Variants in SERINC2 observed in about 807,000 individuals in gnomAD.
SERINC2 encodes tumor differentially expressed protein 2.
Under a neutral mutation model 54.2 loss-of-function variants are expected in SERINC2, and 56 were observed. The ratio of observed to expected loss-of-function variants is 1.03; its 90% confidence interval spans 0.83 to 1.29. SERINC2 has a LOEUF of 1.29. SERINC2 is among the 50% of genes most tolerant of loss of function. SERINC2 has a pLI of 0.00. For synonymous variants in SERINC2, 272 were observed against 253.1 expected (o/e 1.07, Z -0.71); for missense variants, 614 against 607.4 (o/e 1.01, Z -0.12).
rs1553131817 is a variant in SERINC2 at position 31,413,859 on chromosome 1, T to TTGTCCGTCTGCTGTCTTC, written c.39+567_39+584dup. 38 of 1,428,976 alleles carry TTGTCCGTCTGCTGTCTTC rather than the reference T, an allele frequency of 2.7e-5. No homozygotes were observed. The Middle Eastern group carries it at 1.1e-3, about 42-fold the overall frequency. 88.5% of individuals were successfully genotyped at this position (1,428,976 alleles called of 1,614,324 possible). On this transcript the variant is annotated intron_variant, in intron 1 of 9. Coordinates refer to ENST00000373709, the MANE Select transcript of SERINC2 (RefSeq NM_178865.5). The surrounding 1 kb of genome is among the most constrained non-coding windows in gnomAD (Gnocchi z 5.0). ...GTGTCCGTCGTTCGTCCGACTGTCTTTGTCCGTCTGCTGTCTTCTGTCCGT... is the reference window on the plus strand; with the variant it reads ...GTGTCCGTCGTTCGTCCGACTGTCTTTGTCCGTCTGCTGTCTTCTGTCCGTCTGCTGTCTTCTGTCCGT...
rs782411087 is a variant in SERINC2 at position 31,429,430 on chromosome 1, T to G, written c.905T>G (p.Leu302Arg). 6.2e-7 allele frequency: 1 copy of G among 1,613,844 alleles called. No individual in the cohort carries two copies. The highest frequency in any genetic ancestry group is 1.1e-5 in the South Asian group (1 of 91,020). ...TGCAACCCCCATTTGCCAACCCAGC[T>G]GGGCAACGAGACAGTTGTGGCAGGC... ...QKCNPHLPTQ[L>R]GNETVVAGPE... is the part of the protein sequence containing the mutation. Residue 302 changes from leucine (L) to arginine (R), a missense_variant, in exon 8 of 10, where the codon CTG becomes CGG. By Grantham distance (102) the Leu-to-Arg change is moderately radical (BLOSUM62 -2). Transcript: ENST00000373709.
At chr1:31,428,771 G>A (rs1235272834) in intron 6 of SERINC2, among the ~76,000 whole-genome samples, 6 of 152,072 alleles carry the variant, frequency 3.9e-5, no homozygotes, top group Non-Finnish European at 1.5e-5. Context: ...TAATCTGAGG[G>A]GTGTTAAGAG....
rs1640701952 is a variant in SERINC2, at chr1:31,413,714, TC to T, written c.39+411del. The T allele has an allele frequency of 7.8e-7, 1 of 1,282,836 alleles. No individual in the cohort carries two copies. The highest frequency in any genetic ancestry group is 1.6e-5 in the African/African-American group (1 of 63,914). 79.5% of individuals were successfully genotyped at this position (1,282,836 alleles called of 1,614,324 possible). On this transcript the variant is annotated intron_variant, in intron 1 of 9. Coordinates refer to ENST00000373709, the MANE Select transcript of SERINC2 (RefSeq NM_178865.5). The surrounding 1 kb of genome is among the most constrained non-coding windows in gnomAD (Gnocchi z 5.0). ...CGGACGCCCTGGTTCTCTGTGTAGG[TC>T]GCCCGGGCCCCGTCCCTCCTGGCGA...
chr1:31,431,122 C>A (rs187145094), intron 8 of SERINC2, among the ~76,000 whole-genome samples: 56 of 150,778 alleles, frequency 3.7e-4, no homozygotes, highest in African/African-American at 1.3e-3. Flanking sequence ...CCCCTCCCCC[C>A]TCCTCTCTCT....
At chr1:31,418,783 A>G (rs1318942115) in intron 1 of SERINC2, among the ~76,000 whole-genome samples, 1 of 152,212 alleles carries the variant, frequency 6.6e-6, no homozygotes, top group Admixed American at 6.5e-5. Flanking sequence ...CTCTGAGGAC[A>G]ACCAGGAGAC....
At chr1:31,415,820 G>A in intron 1 of SERINC2, 1 of 981,332 alleles carries the variant, frequency 1.0e-6, no homozygotes, top group Non-Finnish European at 1.2e-6. Context: ...GGTCAGTGGG[G>A]AAGATTTTTG....
In SERINC2 at chr1:31,426,737, G is replaced by A. The variant is rs184672093; in HGVS notation, c.694G>A (p.Gly232Ser). The change falls in exon 6 of 10, where the codon GGC becomes AGC. Residue 232 changes from glycine (G) to serine (S), a missense_variant. By Grantham distance (56) the Gly-to-Ser change is moderately conservative. Coordinates refer to ENST00000373709, the MANE Select transcript of SERINC2 (RefSeq NM_178865.5). ...GTTCATGTACTACACTGAGCCCAGC[G>A]GCTGCCACGAGGGCAAGGTCTTCAT... ...LMFMYYTEPSGCHEGKVFISL... is the reference protein window; with the variant it reads ...LMFMYYTEPSSCHEGKVFISL... The A allele has an allele frequency of 2.2e-5, 36 of 1,614,086 alleles. No individual in the cohort carries two copies. The Admixed American group carries it at 4.3e-4, about 19-fold the overall frequency.
upstream of SERINC2, among the ~76,000 whole-genome samples, chr1:31,411,602 G>A (rs1182789709): frequency 6.6e-6 from 1 of 152,108 alleles, no homozygotes; most frequent in African/African-American, 2.4e-5. Flanking sequence ...ATGGAACCAG[G>A]TAGTGGGTTG....
intron 8 of SERINC2, among the ~76,000 whole-genome samples, chr1:31,431,592 G>C (rs1338248736): frequency 6.6e-6 from 1 of 152,166 alleles, no homozygotes; most frequent in South Asian, 2.1e-4. Context: ...CACACCCACA[G>C]CTCCCTGGCA....
rs1344039238 is a variant in SERINC2, at chr1:31,426,695, G to A, written c.652G>A (p.Ala218Thr). The A allele has an allele frequency of 1.1e-5, 17 of 1,613,104 alleles. No homozygotes were observed. Among genetic ancestry groups the A allele is most frequent in the East Asian group, 2.2e-5 (1 of 44,874 alleles). The change falls in exon 6 of 10, where the codon GCG becomes ACG. Residue 218 changes from alanine (A) to threonine (T), a missense_variant. Coordinates refer to ENST00000373709, the MANE Select transcript of SERINC2 (RefSeq NM_178865.5). ...TCTCCTCTTCTACTTGCTGTCGATCGCGGCCGTGGCGCTGATGTTCATGTA... is the reference window on the plus strand; with the variant it reads ...TCTCCTCTTCTACTTGCTGTCGATCACGGCCGTGGCGCTGATGTTCATGTA... The part of the protein sequence containing the change: ...FTLLFYLLSI[A>T]AVALMFMYYT...
intron 7 of SERINC2, 85 bp from the exon 8 acceptor site, chr1:31,429,312 G>T: frequency 2.0e-6 from 3 of 1,489,400 alleles, no homozygotes; most frequent in Non-Finnish European, 2.7e-6. Context: ...GTCTATTAGG[G>T]GTGGCTCTCT....
rs116060697 is a variant in SERINC2, at chr1:31,422,348, A to T, written c.40-1345A>T. 2.2e-3 allele frequency among the ~76,000 whole-genome samples: 338 copies of T among 152,162 alleles called. 8 individuals are homozygous for T. In the South Asian group the frequency reaches 0.038, roughly 17 times the overall value. ...GAAAAGAAGAAAACCCTTCTTTTTAAAAGATACGGTCTCGCTATGCTGCCC... is the reference window on the plus strand; with the variant it reads ...GAAAAGAAGAAAACCCTTCTTTTTATAAGATACGGTCTCGCTATGCTGCCC... On this transcript the variant is annotated intron_variant, in intron 1 of 9. Coordinates refer to ENST00000373709, the MANE Select transcript of SERINC2 (RefSeq NM_178865.5).
At chr1:31,415,967 A>G in intron 1 of SERINC2, 1 of 953,938 alleles carries the variant, frequency 1.0e-6, no homozygotes, top group Non-Finnish European at 1.2e-6. Flanking sequence ...GCCACCAGGC[A>G]AGCCGCCGGC....
At chr1:31,431,007 C>G (rs535382214) in intron 8 of SERINC2, among the ~76,000 whole-genome samples, 8 of 152,170 alleles carry the variant, frequency 5.3e-5, no homozygotes, top group Non-Finnish European at 1.2e-4. Flanking sequence ...CAAGTCAGTT[C>G]TGTACAGTTC....
Position 31,426,676 on chromosome 1 carries a change from C to T in SERINC2, c.633C>T (p.Leu211=), listed in dbSNP as rs1384545732. Residue 211 remains leucine, a synonymous_variant, in exon 6 of 10, where the codon CTC becomes CTT. Coordinates refer to ENST00000373709, the MANE Select transcript of SERINC2 (RefSeq NM_178865.5). Reference sequence around the variant, plus strand: ...CAGGCCTCTTCTTCTTCACTCTCCTCTTCTACTTGCTGTCGATCGCGGCCG... The same window carrying T: ...CAGGCCTCTTCTTCTTCACTCTCCTTTTCTACTTGCTGTCGATCGCGGCCG... ...WYAGLFFFTL[L]FYLLSIAAVA... The T allele has an allele frequency of 4.3e-6, 7 of 1,612,616 alleles. No homozygotes were observed. Among genetic ancestry groups the T allele is most frequent in the Non-Finnish European group, 5.9e-6 (7 of 1,178,882 alleles).
chr1:31,431,804 A>ATAGGGTGGTTAGGGTGGATAGGGTGGT (rs1557499849), intron 8 of SERINC2, among the ~76,000 whole-genome samples: 1 of 122,412 alleles, frequency 8.2e-6, no homozygotes, highest in Admixed American at 7.6e-5. Context: ...GATAGGGTGG[A>ATAGGGTGGTTAGGGTGGATAGGGTGGT]CAGGGTGGAC....
intron 8 of SERINC2, among the ~76,000 whole-genome samples, chr1:31,431,871 G>GATGGTTAGA (rs1641237838): frequency 6.8e-6 from 1 of 147,968 alleles, no homozygotes; most frequent in African/African-American, 2.5e-5. Flanking sequence ...GGGTGGATAG[G>GATGGTTAGA]GTGGACAGGG....
At chr1:31,421,170 A>G (rs1553132712) in intron 1 of SERINC2, among the ~76,000 whole-genome samples, 1 of 152,212 alleles carries the variant, frequency 6.6e-6, no homozygotes, top group Non-Finnish European at 1.5e-5. Context: ...TGAACTGTGC[A>G]TGCGAGGGAT....
Position 31,413,677 on chromosome 1 carries a change from C to A in SERINC2, c.39+373C>A. 1.0e-6 allele frequency: 1 copy of A among 986,474 alleles called. No individual in the cohort carries two copies. The highest frequency in any genetic ancestry group is 1.3e-6 in the Non-Finnish European group (1 of 760,046). The allele number at this position is 986,474 out of a possible 1,614,324, so 61.1% of individuals were successfully genotyped here. On this transcript the variant is annotated intron_variant, in intron 1 of 9. Coordinates refer to ENST00000373709, the MANE Select transcript of SERINC2 (RefSeq NM_178865.5). This position sits in a 1 kb window ranked among gnomAD's most constrained non-coding sequence, Gnocchi z 5.0. Reference sequence around the variant, plus strand: ...CTTGGGGCGGTCCTCGGGGTGGCCTCTGTCCCCGTCCCGGACGCCCTGGTT... The same window carrying A: ...CTTGGGGCGGTCCTCGGGGTGGCCTATGTCCCCGTCCCGGACGCCCTGGTT...
Sources: allele counts gnomAD v4.1 joint callset (sites outside exome capture counted in the v4.1 genomes callset), GRCh38; gene constraint gnomAD v4.1.1; non-coding constraint Gnocchi (gnomAD v3.1); transcripts MANE v1.5; gene names NCBI Gene and HGNC (gene_info 2026-07-23, HGNC 2026-07-21).